Variants in ARHGAP26 observed in about 807,000 individuals in gnomAD.
ARHGAP26 encodes the protein rho GTPase-activating protein 26.
ARHGAP26 carries 38 observed loss-of-function variants against 104.8 expected under a neutral mutation model. The observed-to-expected ratio is 0.36, with a 90% CI of 0.28 to 0.48. ARHGAP26 has a LOEUF of 0.48. Among genes scored for constraint, ARHGAP26 ranks in the 20% least tolerant of loss-of-function variants. The pLI is 0.99. For missense variants in ARHGAP26, 704 were observed against 947.9 expected (o/e 0.74, Z 3.38); for synonymous variants, 341 against 340.0 (o/e 1.00, Z -0.03).
At chr5:143,110,436 A>C (rs569574973) in intron 17 of ARHGAP26, among the ~76,000 whole-genome samples, 1 of 152,180 alleles carries the variant, frequency 6.6e-6, no homozygotes, top group South Asian at 2.1e-4. Flanking sequence ...GAAAGTCCCA[A>C]AGCAATGTCT....
intron 14 of ARHGAP26, among the ~76,000 whole-genome samples, chr5:143,044,823 A>C (rs1783999076): frequency 6.6e-6 from 1 of 152,206 alleles, no homozygotes; most frequent in African/African-American, 2.4e-5. Flanking sequence ...TGGTTGTAAT[A>C]GATCAGGCAA....
At chr5:143,093,483 CTT>C (rs928578950) in intron 17 of ARHGAP26, among the ~76,000 whole-genome samples, 3 of 151,010 alleles carry the variant, frequency 2.0e-5, no homozygotes, top group African/African-American at 7.4e-5. Context: ...ACTGTTTTCT[CTT>C]TACTATTTCT....
At chr5:142,833,095 G>C (rs1768826678) in intron 1 of ARHGAP26, among the ~76,000 whole-genome samples, 1 of 151,514 alleles carries the variant, frequency 6.6e-6, no homozygotes, top group Admixed American at 6.6e-5. Context: ...CACTTTTGTT[G>C]CCCAGGCTGG....
At chr5:143,070,578 C>G (rs1325526559) in intron 17 of ARHGAP26, among the ~76,000 whole-genome samples, 1 of 152,136 alleles carries the variant, frequency 6.6e-6, no homozygotes, top group Non-Finnish European at 1.5e-5. Flanking sequence ...ACAGCACTAC[C>G]CAAAGCAATC....
intron 7 of ARHGAP26, among the ~76,000 whole-genome samples, chr5:142,903,103 G>A (rs957301317): frequency 1.3e-5 from 2 of 152,164 alleles, no homozygotes; most frequent in African/African-American, 4.8e-5. Flanking sequence ...CTTGAGTGAA[G>A]GAACTCCCCT....
At chr5:142,923,976 C>T (rs1160632752) in intron 10 of ARHGAP26, among the ~76,000 whole-genome samples, 1 of 151,696 alleles carries the variant, frequency 6.6e-6, no homozygotes, top group East Asian at 1.9e-4. Context: ...GTTCTCCTGC[C>T]TCAGCCTCCC....
intron 11 of ARHGAP26, among the ~76,000 whole-genome samples, chr5:143,011,456 C>T (rs2152810597): frequency 6.6e-6 from 1 of 152,222 alleles, no homozygotes; most frequent in Middle Eastern, 3.4e-3. Flanking sequence ...GTATCCCCAG[C>T]ACCTGGAACG....
chr5:142,794,918 T>C (rs1760665008), intron 1 of ARHGAP26, among the ~76,000 whole-genome samples: 2 of 152,204 alleles, frequency 1.3e-5, no homozygotes, highest in African/African-American at 4.8e-5. Context: ...ATAGAGCTTG[T>C]TGTGAATCTG....
At chr5:142,805,029 C>T (rs1762730091) in intron 1 of ARHGAP26, among the ~76,000 whole-genome samples, 1 of 151,738 alleles carries the variant, frequency 6.6e-6, no homozygotes, top group Non-Finnish European at 1.5e-5. Context: ...GAGCTTATTC[C>T]TTTTTATTGC....
intron 22 of ARHGAP26, among the ~76,000 whole-genome samples, chr5:143,220,934 G>A (rs998036407): frequency 2.0e-5 from 3 of 152,144 alleles, no homozygotes; most frequent in South Asian, 2.1e-4. Flanking sequence ...GTGTCGGAGC[G>A]GAAATGCTTT....
At chr5:142,793,702 C>T (rs954856459) in intron 1 of ARHGAP26, among the ~76,000 whole-genome samples, 3 of 152,102 alleles carry the variant, frequency 2.0e-5, no homozygotes, top group African/African-American at 7.2e-5. Context: ...ATTCTTGTGC[C>T]TCAGCTTCTC....
Position 143,228,289 on chromosome 5 carries a change from T to C in ARHGAP26, c.*5843T>C, listed in dbSNP as rs1373906715. The stretch of plus-strand genomic sequence containing the variant: ...GCACATATTTACATCTATGAAGACA[T>C]AGACACTTACAGAGACCCACATGAG... On this transcript the variant is annotated 3_prime_UTR_variant, in exon 23 of 23. Transcript: ENST00000645722. The C allele has an allele frequency of 4.5e-6, 1 of 224,474 alleles. No homozygotes were observed. Among genetic ancestry groups the C allele is most frequent in the East Asian group, 6.5e-5 (1 of 15,470 alleles). The allele number at this position is 224,474 out of a possible 1,614,324, so 13.9% of individuals were successfully genotyped here. A position where few individuals can be genotyped will look rare whatever the true frequency, so the allele number is the denominator to read the frequency against.
chr5:142,917,986 C>T (rs1050326943), intron 10 of ARHGAP26, among the ~76,000 whole-genome samples: 12 of 151,980 alleles, frequency 7.9e-5, no homozygotes, highest in Non-Finnish European at 1.5e-4. Flanking sequence ...TCCTCAAATC[C>T]CTGACACATA....
intron 17 of ARHGAP26, among the ~76,000 whole-genome samples, chr5:143,110,573 G>T (rs186882779): frequency 3.9e-5 from 6 of 152,250 alleles, no homozygotes; most frequent in African/African-American, 1.4e-4. Flanking sequence ...GCATACACAT[G>T]TGCAACTTTT....
chr5:142,795,057 T>A (rs78393627), intron 1 of ARHGAP26, among the ~76,000 whole-genome samples: 7,060 of 152,018 alleles, frequency 0.046, 331 homozygotes, highest in East Asian at 0.19. Context: ...TCTTTTTTTT[T>A]AAAAAAATTT....
chr5:143,183,961 C>T (rs1804774296), intron 20 of ARHGAP26, among the ~76,000 whole-genome samples: 1 of 152,214 alleles, frequency 6.6e-6, no homozygotes, highest in South Asian at 2.1e-4. Flanking sequence ...TCTTTCCTCT[C>T]CTCATGGTAA....
chr5:142,880,694 G>T (rs578057847), intron 4 of ARHGAP26, among the ~76,000 whole-genome samples: 5 of 151,738 alleles, frequency 3.3e-5, no homozygotes, highest in African/African-American at 1.2e-4. Context: ...TACGCCACCT[G>T]CAGGGGCTTT....
intron 3 of ARHGAP26, among the ~76,000 whole-genome samples, chr5:142,875,497 A>G (rs548951958): frequency 6.6e-6 from 1 of 152,184 alleles, no homozygotes; most frequent in South Asian, 2.1e-4. Flanking sequence ...CAGAATGGGA[A>G]AGAAGGTGCC....
chr5:143,139,723 G>A (rs983728802), intron 19 of ARHGAP26, among the ~76,000 whole-genome samples: 2 of 152,192 alleles, frequency 1.3e-5, no homozygotes, highest in Non-Finnish European at 1.5e-5. Flanking sequence ...CAGATGGAAC[G>A]AGGTTTTTCA....
Sources: allele counts gnomAD v4.1 joint callset (sites outside exome capture counted in the v4.1 genomes callset), GRCh38; gene constraint gnomAD v4.1.1; transcripts MANE v1.5; gene names NCBI Gene and HGNC (gene_info 2026-07-23, HGNC 2026-07-21).